The following SYTL2 variants were observed in gnomAD, a reference collection of about 807,000 sequenced individuals.
SYTL2 encodes synaptotagmin like 2.
SYTL2 carries 165 observed loss-of-function variants against 198.7 expected under a neutral mutation model. The ratio of observed to expected loss-of-function variants is 0.83; its 90% CI spans 0.73 to 0.94. The LOEUF is 0.94. Ranked by LOEUF, SYTL2 falls within the 40% of genes least tolerant of loss-of-function variation. The probability of loss-of-function intolerance (pLI) is 0.00; values close to 1 mark genes in which losing one functional copy is unlikely to be tolerated. For missense variants in SYTL2, 2,835 were observed against 2,582.8 expected (o/e 1.10, Z -2.12); for synonymous variants, 966 against 917.7 (o/e 1.05, Z -0.95).
rs1381120552 is a variant in SYTL2, at chr11:85,696,179, G to T, written c.6574+4C>A. The T allele has an allele frequency of 6.2e-7, 1 of 1,613,728 alleles. No individual in the cohort carries two copies. The highest frequency in any genetic ancestry group is 1.1e-5 in the South Asian group (1 of 91,058). ...TGGAGAATTAAAAATGTAGCAAACA[G>T]TACCTGTTCCAAAGCCAATACGAAG... is the stretch of plus-strand genomic sequence containing the variant. On this transcript the variant is annotated splice_donor_region_variant and intron_variant, in intron 19 of 19. Transcript: ENST00000359152.
At chr11:85,696,917 G>A (rs1215280980) in intron 18 of SYTL2, among the ~76,000 whole-genome samples, 1 of 152,118 alleles carries the variant, frequency 6.6e-6, no homozygotes, top group Non-Finnish European at 1.5e-5. Flanking sequence ...TTTGACTTTG[G>A]AAATAAATTA....
At position 85,708,052 on chromosome 11, in the gene SYTL2, A is replaced by T. The variant is rs1406951997; in HGVS notation, c.5916-521T>A. On this transcript the variant is annotated intron_variant, in intron 14 of 19. Coordinates refer to ENST00000359152, the MANE Select transcript of SYTL2 (RefSeq NM_206927.4). ...GTGATGCATGCCTGTAATTCCAGCT[A>T]GTCAGGAGGCTGAGGCAGGAGAATC... 26 of 388,534 alleles carry T rather than the reference A, an allele frequency of 6.7e-5. No individual in the cohort carries two copies. In the East Asian group the frequency reaches 2.2e-3, roughly 32 times the overall value. 24.1% of individuals were successfully genotyped at this position (388,534 alleles called of 1,614,324 possible). A position where few individuals can be genotyped will look rare whatever the true frequency, so the allele number is the denominator to read the frequency against.
the SYTL2 span, among the ~76,000 whole-genome samples, chr11:85,829,785 C>G: frequency 1.3e-5 from 2 of 152,154 alleles, no homozygotes; most frequent in African/African-American, 4.8e-5. Context: ...TTGCATTTCT[C>G]TGATGATTAA....
At chr11:85,814,223 T>A (rs1026342116), upstream of SYTL2, among the ~76,000 whole-genome samples, 2 of 152,226 alleles carry the variant, frequency 1.3e-5, no homozygotes, top group Admixed American at 6.5e-5. Flanking sequence ...CCTGCCTCTC[T>A]GCACCCCAGT....
chr11:85,735,635 T>C (rs910665246), intron 6 of SYTL2, among the ~76,000 whole-genome samples: 3 of 151,982 alleles, frequency 2.0e-5, no homozygotes, highest in Non-Finnish European at 4.4e-5. Context: ...AGCACGCCTG[T>C]AGTCCCAGCT....
chr11:85,778,281 C>T (rs1373957860), intron 1 of SYTL2, among the ~76,000 whole-genome samples: 2 of 152,118 alleles, frequency 1.3e-5, no homozygotes, highest in Admixed American at 6.5e-5. Context: ...TCACCCTTAC[C>T]CCATCCCCTC....
At chr11:85,768,267 A>C (rs895224393) in intron 1 of SYTL2, among the ~76,000 whole-genome samples, 1 of 152,226 alleles carries the variant, frequency 6.6e-6, no homozygotes, top group African/African-American at 2.4e-5. Flanking sequence ...AATACAGGTA[A>C]ATAATGTCTA....
intron 2 of SYTL2, among the ~76,000 whole-genome samples, chr11:85,753,255 C>T (rs1430803993): frequency 2.0e-5 from 3 of 152,124 alleles, no homozygotes; most frequent in Admixed American, 6.5e-5. Context: ...AGAGAAGACA[C>T]AGGATAGGGG....
intron 11 of SYTL2, among the ~76,000 whole-genome samples, chr11:85,715,742 C>A (rs774454049): frequency 2.0e-5 from 3 of 152,138 alleles, no homozygotes; most frequent in Non-Finnish European, 4.4e-5. Context: ...TCCCATGAAA[C>A]AACAATGTGT....
the SYTL2 span, among the ~76,000 whole-genome samples, chr11:85,820,058 C>A: frequency 6.6e-6 from 1 of 152,140 alleles, no homozygotes; most frequent in Non-Finnish European, 1.5e-5. Context: ...GGCAAGGATT[C>A]CTAACCTAGG....
At chr11:85,718,924 C>T in intron 9 of SYTL2, 81 bp from the exon 10 acceptor site, 1 of 1,570,902 alleles carries the variant, frequency 6.4e-7, no homozygotes, top group Non-Finnish European at 8.6e-7. Flanking sequence ...CTGGAAGCCC[C>T]CGGAGTTGGA....
intron 7 of SYTL2, among the ~76,000 whole-genome samples, chr11:85,730,146 C>G (rs2153476349): frequency 6.6e-6 from 1 of 152,210 alleles, no homozygotes; most frequent in Admixed American, 6.5e-5. Context: ...GGATTCACAG[C>G]CGAATTCTAC....
chr11:85,790,723 T>A (rs1199716636), intron 1 of SYTL2, among the ~76,000 whole-genome samples: 1 of 152,164 alleles, frequency 6.6e-6, no homozygotes, highest in Non-Finnish European at 1.5e-5. Context: ...AACTGGGATG[T>A]GCCCTATGGT....
intron 1 of SYTL2, among the ~76,000 whole-genome samples, chr11:85,761,881 A>C (rs1181932819): frequency 1.3e-5 from 2 of 151,910 alleles, no homozygotes; most frequent in African/African-American, 4.8e-5. Context: ...CTGGTCTTGA[A>C]CTCCTGGCTT....
At chr11:85,843,568 G>T in the SYTL2 span, among the ~76,000 whole-genome samples, 1 of 152,106 alleles carries the variant, frequency 6.6e-6, no homozygotes, top group African/African-American at 2.4e-5. Flanking sequence ...GTGTGTGTGT[G>T]CAGGCTTGGA....
At chr11:85,849,387 A>G in the SYTL2 span, among the ~76,000 whole-genome samples, 6 of 152,122 alleles carry the variant, frequency 3.9e-5, no homozygotes, top group Admixed American at 3.9e-4. Context: ...CTGAATGGTA[A>G]TGCCTAGGTT....
intron 4 of SYTL2, among the ~76,000 whole-genome samples, chr11:85,737,923 G>A (rs1355256888): frequency 1.3e-5 from 2 of 152,146 alleles, no homozygotes; most frequent in East Asian, 3.9e-4. Context: ...GGGCAAAAGA[G>A]GGTCACGGAG....
chr11:85,762,730 C>T (rs1251333945), intron 1 of SYTL2, among the ~76,000 whole-genome samples: 1 of 152,188 alleles, frequency 6.6e-6, no homozygotes, highest in Non-Finnish European at 1.5e-5. Flanking sequence ...ACTTACTGCA[C>T]AAAAGTCTTC....
intron 17 of SYTL2, among the ~76,000 whole-genome samples, chr11:85,699,196 G>A (rs917313295): frequency 6.6e-6 from 1 of 152,224 alleles, no homozygotes; most frequent in Admixed American, 6.5e-5. Flanking sequence ...AGTTATTACT[G>A]TAATGTTCTA....
Sources: gnomAD v4.1 joint callset for allele counts (sites outside exome capture counted in the v4.1 genomes callset) on GRCh38, gnomAD v4.1.1 for gene constraint, MANE v1.5 for transcripts, NCBI Gene and HGNC (gene_info 2026-07-23, HGNC 2026-07-21) for gene names.